CDH22: variants seen among roughly 807,000 people sequenced by gnomAD.
CDH22 encodes cadherin 22.
A neutral mutation model predicts 58.4 loss-of-function variants in CDH22; 30 were observed. The ratio of observed to expected loss-of-function variants is 0.51; its 90% CI spans 0.38 to 0.70. The LOEUF (loss-of-function observed/expected upper bound fraction) is 0.70. CDH22 is among the 30% of genes least tolerant of loss of function. The pLI, the probability that CDH22 is intolerant of heterozygous loss-of-function variation, is 0.00. For synonymous variants in CDH22, 513 were observed against 558.2 expected (o/e 0.92, Z 1.14); for missense variants, 1,014 against 1,233.9 (o/e 0.82, Z 2.67).
intron 4 of CDH22, among the ~76,000 whole-genome samples, chr20:46,222,373 T>C (rs1334504573): frequency 6.6e-6 from 1 of 152,206 alleles, no homozygotes; most frequent in African/African-American, 2.4e-5. Flanking sequence ...ATCCATTTGC[T>C]TCTCTGCTGG....
At position 46,225,326 on chromosome 20, in the gene CDH22, C is replaced by T. The variant is rs188349077; in HGVS notation, c.670+2182G>A. On this transcript the variant is annotated intron_variant, in intron 4 of 11. Coordinates refer to ENST00000537909, the MANE Select transcript of CDH22 (RefSeq NM_021248.3). ...GATTGGAAACAGCATAAGTGTCCAT[C>T]GGCAGGGGACTGGTGAAATAAATTT... Among the ~76,000 whole-genome samples, 277 of 152,280 alleles carry T rather than the reference C, an allele frequency of 1.8e-3. 1 individual carries two copies. Among genetic ancestry groups the T allele is most frequent in the African/African-American group, 6.5e-3 (268 of 41,540 alleles).
At chr20:46,240,367 G>A (rs2086280801) in intron 3 of CDH22, among the ~76,000 whole-genome samples, 1 of 152,182 alleles carries the variant, frequency 6.6e-6, no homozygotes, top group African/African-American at 2.4e-5. Flanking sequence ...GTCTGAGTGT[G>A]TGGTTGGGCC....
chr20:46,231,544 T>C (rs2086220714), intron 3 of CDH22, among the ~76,000 whole-genome samples: 1 of 152,154 alleles, frequency 6.6e-6, no homozygotes, highest in South Asian at 2.1e-4. Context: ...GCTCGATGAC[T>C]TCCCCAGGGA....
chr20:46,226,783 C>G (rs2086178165), intron 4 of CDH22, among the ~76,000 whole-genome samples: 1 of 152,308 alleles, frequency 6.6e-6, no homozygotes, highest in South Asian at 2.1e-4. Context: ...AGTGAGAGCA[C>G]CCCGCTGGAA....
intron 1 of CDH22, among the ~76,000 whole-genome samples, chr20:46,307,784 C>T (rs2059030604): frequency 6.6e-6 from 1 of 152,032 alleles, no homozygotes. Context: ...CCGGACCCCG[C>T]CTCTGGGAGG....
At chr20:46,219,243 C>T (rs1426145562) in intron 4 of CDH22, among the ~76,000 whole-genome samples, 1 of 152,192 alleles carries the variant, frequency 6.6e-6, no homozygotes, top group African/African-American at 2.4e-5. Context: ...AGTAGGCCCC[C>T]TCCTGACCCC....
chr20:46,257,127 G>A (rs1255811506), intron 1 of CDH22, among the ~76,000 whole-genome samples: 1 of 151,692 alleles, frequency 6.6e-6, no homozygotes, highest in Non-Finnish European at 1.5e-5. Context: ...GGGGAACATG[G>A]CAAAACCCTG....
chr20:46,238,150 C>T (rs2086266909), intron 3 of CDH22, among the ~76,000 whole-genome samples: 3 of 152,236 alleles, frequency 2.0e-5, no homozygotes, highest in Non-Finnish European at 4.4e-5. Context: ...AGGCTACCTG[C>T]TTTCCTCTAG....
Position 46,174,191 on chromosome 20 carries a change from A to C in CDH22, c.*315T>G. 1 of 398,036 alleles carries C rather than the reference A, an allele frequency of 2.5e-6. No homozygotes were observed. Among genetic ancestry groups the C allele is most frequent in the Non-Finnish European group, 4.5e-6 (1 of 224,558 alleles). The allele number at this position is 398,036 out of a possible 1,614,324, so 24.7% of individuals were successfully genotyped here. A position where few individuals can be genotyped will look rare whatever the true frequency, so the allele number is the denominator to read the frequency against. The stretch of plus-strand genomic sequence containing the variant: ...CTCCAGCATTCTCCCCCAGGCCAGG[A>C]TTGAGTGACCCGCCCCTTCCCGACT... On this transcript the variant is annotated 3_prime_UTR_variant, in exon 12 of 12. Transcript: ENST00000537909. The surrounding 1 kb of genome is among the most constrained non-coding windows in gnomAD (Gnocchi z 4.4).
intron 1 of CDH22, among the ~76,000 whole-genome samples, chr20:46,306,983 T>A (rs542992463): frequency 2.6e-5 from 4 of 152,110 alleles, no homozygotes; most frequent in Non-Finnish European, 5.9e-5. Context: ...GATGAGATCC[T>A]GAACCTGGGT....
At chr20:46,215,956 C>T (rs1025009561) in intron 5 of CDH22, among the ~76,000 whole-genome samples, 2 of 152,122 alleles carry the variant, frequency 1.3e-5, no homozygotes, top group African/African-American at 4.8e-5. Context: ...TCACTCCGCT[C>T]TGTGTCTGAG....
chr20:46,253,279 G>A (rs1847452429), intron 1 of CDH22, among the ~76,000 whole-genome samples: 1 of 152,074 alleles, frequency 6.6e-6, no homozygotes, highest in Non-Finnish European at 1.5e-5. Context: ...TTTTTTTCTA[G>A]CATCTCCTCC....
chr20:46,273,943 C>A (rs1326962053), intron 1 of CDH22, among the ~76,000 whole-genome samples: 1 of 152,226 alleles, frequency 6.6e-6, no homozygotes. Context: ...CAGTTCCCTG[C>A]AGCCACTGGG....
At chr20:46,255,484 A>G (rs771210147) in intron 1 of CDH22, among the ~76,000 whole-genome samples, 27 of 152,248 alleles carry the variant, frequency 1.8e-4, no homozygotes, top group Non-Finnish European at 3.5e-4. Flanking sequence ...TCGGAGTCAC[A>G]ACTGGCAGGG....
chr20:46,210,288 C>T lies in CDH22; in HGVS notation c.1286+19G>A, dbSNP rs2086031505. Reference sequence around the variant, plus strand: ...CGGGATAGCAGGCAGCAGGCGTCGGCCCCGGGCGGGGGTCTCACCGGACGG... The same window carrying T: ...CGGGATAGCAGGCAGCAGGCGTCGGTCCCGGGCGGGGGTCTCACCGGACGG... On this transcript the variant is annotated intron_variant, in intron 7 of 11. Coordinates refer to ENST00000537909, the MANE Select transcript of CDH22 (RefSeq NM_021248.3). The surrounding 1 kb of genome is among the most constrained non-coding windows in gnomAD (Gnocchi z 4.5). The T allele has an allele frequency of 2.9e-6, 4 of 1,389,000 alleles. No homozygotes were observed. The highest frequency in any genetic ancestry group is 3.7e-6 in the Non-Finnish European group (4 of 1,077,950). 86.0% of individuals were successfully genotyped at this position (1,389,000 alleles called of 1,614,324 possible).
chr20:46,288,584 C>G (rs1056246003), intron 1 of CDH22, among the ~76,000 whole-genome samples: 2 of 152,166 alleles, frequency 1.3e-5, no homozygotes, highest in Non-Finnish European at 2.9e-5. Flanking sequence ...TGTCTGAACC[C>G]GGACTCCTGA....
Position 46,174,517 on chromosome 20 carries a change from G to A in CDH22, c.2476C>T (p.Gln826Ter). The A allele has an allele frequency of 6.6e-7, 1 of 1,513,282 alleles. No homozygotes were observed. Among genetic ancestry groups the A allele is most frequent in the Non-Finnish European group, 8.8e-7 (1 of 1,137,368 alleles). 93.7% of individuals were successfully genotyped at this position (1,513,282 alleles called of 1,614,324 possible). Residue 826 changes from glutamine (Q) to a stop codon, truncating the protein, a stop_gained, in exon 12 of 12, where the codon CAG becomes TAG. Coordinates refer to ENST00000537909, the MANE Select transcript of CDH22 (RefSeq NM_021248.3). LOFTEE classifies it high-confidence loss of function. The surrounding 1 kb of genome is among the most constrained non-coding windows in gnomAD (Gnocchi z 4.4). ...YAGHRGDDEA[Q>*]AS ...GGCAGGGCGAGGGGCTAGGAGGCCT[G>A]GGCCTCGTCGTCCCCGCGGTGGCCG...
At chr20:46,270,422 G>T (rs2086481069) in intron 1 of CDH22, among the ~76,000 whole-genome samples, 1 of 152,150 alleles carries the variant, frequency 6.6e-6, no homozygotes, top group African/African-American at 2.4e-5. Context: ...GCCTGAGGGG[G>T]CTTTTACTTT....
In CDH22 at chr20:46,241,349, C is replaced by T. The variant is rs1173804771; in HGVS notation, c.256-92G>A. On this transcript the variant is annotated intron_variant, in intron 2 of 11. Coordinates refer to ENST00000537909, the MANE Select transcript of CDH22 (RefSeq NM_021248.3). This position sits in a 1 kb window ranked among gnomAD's most constrained non-coding sequence, Gnocchi z 5.2. ...ATGCCATTGGCTGCCTATTCCTAAG[C>T]CCATCTCTTCTCCAGCACATACACA... The T allele has an allele frequency of 3.7e-6, 4 of 1,076,140 alleles. No homozygotes were observed. In the African/African-American group the frequency reaches 4.8e-5, roughly 13 times the overall value. The allele number at this position is 1,076,140 out of a possible 1,614,324, so 66.7% of individuals were successfully genotyped here. A position where few individuals can be genotyped will look rare whatever the true frequency, so the allele number is the denominator to read the frequency against.
Sources: allele counts gnomAD v4.1 joint callset (sites outside exome capture counted in the v4.1 genomes callset), GRCh38; gene constraint gnomAD v4.1.1; non-coding constraint Gnocchi (gnomAD v3.1); transcripts MANE v1.5; gene names NCBI Gene and HGNC (gene_info 2026-07-23, HGNC 2026-07-21).